Variants in IMPDH2 observed in about 807,000 individuals in gnomAD.
IMPDH2 encodes inosine monophosphate dehydrogenase 2.
IMPDH2 carries 33 observed loss-of-function variants against 57.8 expected under a neutral mutation model. That is an observed-to-expected ratio of 0.57 (90% CI 0.43 to 0.76). IMPDH2 has a LOEUF of 0.76. Among genes scored for constraint, IMPDH2 ranks in the 30% least tolerant of loss-of-function variants. The pLI is 0.00. For missense variants in IMPDH2, 446 were observed against 659.1 expected, an observed-to-expected ratio of 0.68 and a Z score of 3.54; for synonymous variants, 270 against 241.3, an observed-to-expected ratio of 1.12 and a Z score of -1.10.
intron 5 of IMPDH2, among the ~76,000 whole-genome samples, chr3:49,027,284 A>G (rs2093203715): frequency 1.3e-5 from 2 of 152,158 alleles, no homozygotes; most frequent in Admixed American, 1.3e-4. Context: ...GTGAAGTTCT[A>G]TGGACCACCA....
At chr3:49,026,216 G>T in intron 9 of IMPDH2, 108 bp downstream of exon 9, 1 of 845,148 alleles carries the variant, frequency 1.2e-6, no homozygotes, top group African/African-American at 1.7e-5. Flanking sequence ...TTGGCCCCAG[G>T]GTTGCCCCTA....
At chr3:49,027,986 TG>T in intron 4 of IMPDH2, 70 bp from the exon 5 acceptor site, 1 of 1,192,556 alleles carries the variant, frequency 8.4e-7, no homozygotes, top group African/African-American at 1.5e-5. Context: ...ATCTGAAGCA[TG>T]GGGTCTCTGC....
chr3:49,026,281 T>C, intron 9 of IMPDH2, 43 bp downstream of exon 9: 1 of 1,399,848 alleles, frequency 7.1e-7, no homozygotes, highest in Non-Finnish European at 1.0e-6. Flanking sequence ...ATGTGGGGCC[T>C]GAAACTGGGG....
Position 49,024,400 on chromosome 3 carries a change from C to T in IMPDH2, c.1528G>A (p.Glu510Lys), listed in dbSNP as rs1413223202. 2 of 1,614,140 alleles carry T rather than the reference C, an allele frequency of 1.2e-6. No individual in the cohort carries two copies. The highest frequency in any genetic ancestry group is 2.2e-5 in the South Asian group (2 of 91,086). Reference sequence around the variant, plus strand: ...ATCCCTTTTCAGAAAAGCCGCTTCTCATACCTGCAGGCAGAAGGACCACCT... The same window carrying T: ...ATCCCTTTTCAGAAAAGCCGCTTCTTATACCTGCAGGCAGAAGGACCACCT... ...EGGVHSLHSY[E>K]KRLF Residue 510 changes from glutamate (E) to lysine (K), a missense_variant, in exon 14 of 14, where the codon GAG becomes AAG. Transcript: ENST00000326739.
At chr3:49,025,791 G>A (rs2093195941) in intron 9 of IMPDH2, among the ~76,000 whole-genome samples, 1 of 152,232 alleles carries the variant, frequency 6.6e-6, no homozygotes, top group Non-Finnish European at 1.5e-5. Flanking sequence ...AAAAGGTCCT[G>A]CCTAGGGAAG....
intron 9 of IMPDH2, among the ~76,000 whole-genome samples, chr3:49,025,708 G>A (rs1053633110): frequency 3.9e-5 from 6 of 152,228 alleles, no homozygotes; most frequent in Non-Finnish European, 8.8e-5. Flanking sequence ...GCAGGCAGTG[G>A]TTGTGTGGGA....
In IMPDH2 at chr3:49,028,768, G is replaced by A; in HGVS notation, c.137C>T (p.Ala46Val). The change falls in exon 2 of 14, where the codon GCA (alanine) becomes GTA (valine). Residue 46 changes from alanine (A) to valine (V), a missense_variant. Transcript: ENST00000326739. Reference sequence around the variant, plus strand: ...CCTGATCATACTCACCACCTGGTCTGCAGTGAAGTCGATGTACCCAGGGAG... The same window carrying A: ...CCTGATCATACTCACCACCTGGTCTACAGTGAAGTCGATGTACCCAGGGAG... ...LILPGYIDFT[A>V]DQVDLTSALT... The A allele has an allele frequency of 1.2e-6, 2 of 1,613,498 alleles. No homozygotes were observed. Among genetic ancestry groups the A allele is most frequent in the Non-Finnish European group, 1.7e-6 (2 of 1,179,400 alleles).
chr3:49,026,494 C>A, intron 8 of IMPDH2, 25 bp downstream of exon 8: 2 of 1,606,276 alleles, frequency 1.2e-6, no homozygotes, highest in African/African-American at 1.3e-5. Context: ...CACCACACAT[C>A]CTTCAGGGCA....
Position 49,027,767 on chromosome 3 carries a change from G to C in IMPDH2, c.474C>G (p.Ile158Met). ...GRMGSRLVGIISSRDIDFLKE... is the reference protein window; with the variant it reads ...GRMGSRLVGIMSSRDIDFLKE... ...TGAGAAAATCAATGTCCCTGGAGGAGATGATGCCCACCAAGCGGCTCCCCA... is the reference window on the plus strand; with the variant it reads ...TGAGAAAATCAATGTCCCTGGAGGACATGATGCCCACCAAGCGGCTCCCCA... The change falls in exon 5 of 14, where the codon ATC becomes ATG. Residue 158 changes from isoleucine to methionine, a missense_variant. By Grantham distance (10) the Ile-to-Met change is conservative. Transcript: ENST00000326739. 2 of 1,614,234 alleles carry C rather than the reference G, an allele frequency of 1.2e-6. No homozygotes were observed. Among genetic ancestry groups the C allele is most frequent in the Non-Finnish European group, 1.7e-6 (2 of 1,180,038 alleles).
Position 49,028,751 on chromosome 3 carries a change from T to C in IMPDH2, c.147+7A>G. ...ATGTTCAGGACCCAATTCCTGATCA[T>C]ACTCACCACCTGGTCTGCAGTGAAG... On this transcript the variant is annotated splice_region_variant and intron_variant, in intron 2 of 13. Coordinates refer to ENST00000326739, the MANE Select transcript of IMPDH2 (RefSeq NM_000884.3). The C allele has an allele frequency of 3.7e-6, 6 of 1,611,540 alleles. No homozygotes were observed. Among genetic ancestry groups the C allele is most frequent in the Non-Finnish European group, 5.1e-6 (6 of 1,177,658 alleles).
rs2093202363 is a variant in IMPDH2, at chr3:49,026,973, C to T, written c.606G>A (p.Gln202=). 2 of 1,614,136 alleles carry T rather than the reference C, an allele frequency of 1.2e-6. No individual in the cohort carries two copies. The highest frequency in any genetic ancestry group is 1.3e-5 in the African/African-American group (1 of 75,066). The change falls in exon 6 of 14, where the codon CAG becomes CAA. Residue 202 remains glutamine (Q), a synonymous_variant. Transcript: ENST00000326739. ...TCTAGGACTTACCCTTCTTGCTGCG[C>T]TGCAGAATTTCATTTGCCTCCTTCA... is the stretch of plus-strand genomic sequence containing the variant. ...ITLKEANEIL[Q]RSKKGKLPIV...
chr3:49,027,009 T>C lies in IMPDH2; in HGVS notation c.570A>G (p.Ala190=). ...CATTTGCCTCCTTCAGTGTGATGCCTGCAGGGGCTACCACCAAGTCTTCCC... is the reference window on the plus strand; with the variant it reads ...CATTTGCCTCCTTCAGTGTGATGCCCGCAGGGGCTACCACCAAGTCTTCCC... ...TKREDLVVAP[A]GITLKEANEI... is the part of the protein sequence containing the mutation. The change falls in exon 6 of 14, where the codon GCA becomes GCG. Residue 190 remains alanine (A), a synonymous_variant. Transcript: ENST00000326739. 1 of 1,614,152 alleles carries C rather than the reference T, an allele frequency of 6.2e-7. No homozygotes were observed. Among genetic ancestry groups the C allele is most frequent in the South Asian group, 1.1e-5 (1 of 91,084 alleles).
At chr3:49,024,618 G>C (rs776691042) in intron 12 of IMPDH2, 40 bp from the exon 13 acceptor site, 1 of 1,614,190 alleles carries the variant, frequency 6.2e-7, no homozygotes, top group Non-Finnish European at 8.5e-7. Flanking sequence ...AGCTGGCCCT[G>C]GACCAGCCCC....
intron 9 of IMPDH2, 155 bp downstream of exon 9, chr3:49,026,169 C>T (rs2093197917): frequency 2.3e-5 from 16 of 697,096 alleles, no homozygotes; most frequent in South Asian, 2.3e-4. Flanking sequence ...AAGACCTTGT[C>T]TTGCTTCCAG....
chr3:49,026,959 C>G lies in IMPDH2; in HGVS notation c.619+1G>C, dbSNP rs1357553007. 6.2e-7 allele frequency: 1 copy of G among 1,613,980 alleles called. No homozygotes were observed. Among genetic ancestry groups the G allele is most frequent in the South Asian group, 1.1e-5 (1 of 91,088 alleles). ...GGCCCTTTCCCAGCTCTAGGACTTA[C>G]CCTTCTTGCTGCGCTGCAGAATTTC... On this transcript the variant is annotated splice_donor_variant, in intron 6 of 13. Transcript: ENST00000326739. LOFTEE classifies it high-confidence loss of function.
In IMPDH2 at chr3:49,026,101, G is replaced by T. The variant is rs779278024; in HGVS notation, c.1006+223C>A. 1.7e-5 allele frequency: 11 copies of T among 661,746 alleles called. 1 individual carries two copies. Among genetic ancestry groups the T allele is most frequent in the South Asian group, 1.7e-4 (11 of 66,390 alleles). The allele number at this position is 661,746 out of a possible 1,614,324, so 41.0% of individuals were successfully genotyped here. ...ACAAACAGACCAGAGTTTAGAGAAG[G>T]TGCAGAGCAGGAGCAAGAAGGCCAG... is the stretch of plus-strand genomic sequence containing the variant. On this transcript the variant is annotated intron_variant, in intron 9 of 13. Transcript: ENST00000326739.
chr3:49,024,348 GA>G lies in IMPDH2; in HGVS notation c.*34del, dbSNP rs544017988. ...ACTTTTTTCTTTCTAAACTTTTATT[GA>G]AAAAAAAACCGAGGAGGTGTGCTGG... On this transcript the variant is annotated 3_prime_UTR_variant, in exon 14 of 14. Transcript: ENST00000326739. 6.9e-6 allele frequency: 11 copies of G among 1,589,342 alleles called. No individual in the cohort carries two copies. The highest frequency in any genetic ancestry group is 8.6e-6 in the Non-Finnish European group (10 of 1,160,994).
At chr3:49,028,041 C>T in intron 4 of IMPDH2, 125 bp from the exon 5 acceptor site, 1 of 836,828 alleles carries the variant, frequency 1.2e-6, no homozygotes, top group Non-Finnish European at 2.0e-6. Context: ...ATCACACCAA[C>T]ACATCTTAGA....
intron 1 of IMPDH2, 107 bp downstream of exon 1, chr3:49,029,146 C>G: frequency 1.1e-6 from 1 of 920,022 alleles, no homozygotes; most frequent in Non-Finnish European, 1.7e-6. Context: ...ATTCCCGAAA[C>G]CTGTCCCCCA....
Sources: allele counts gnomAD v4.1 joint callset (sites outside exome capture counted in the v4.1 genomes callset), GRCh38; gene constraint gnomAD v4.1.1; transcripts MANE v1.5; gene names NCBI Gene and HGNC (gene_info 2026-07-23, HGNC 2026-07-21).